TOX: variants seen among roughly 807,000 people sequenced by gnomAD.
TOX encodes the protein thymocyte selection-associated high mobility group box protein TOX.
A neutral mutation model predicts 53.7 loss-of-function variants in TOX; 11 were observed. The observed-to-expected ratio is 0.20, with a 90% CI of 0.13 to 0.34. The LOEUF is 0.34. TOX is among the 10% of genes least tolerant of loss of function. The probability of loss-of-function intolerance (pLI) is 1.00; values close to 1 mark genes in which losing one functional copy is unlikely to be tolerated. For synonymous variants in TOX, 225 were observed against 245.3 expected, an observed-to-expected ratio of 0.92 and a Z score of 0.77; for missense variants, 570 against 664.6, an observed-to-expected ratio of 0.86 and a Z score of 1.56.
At chr8:58,865,692 G>T (rs34404259) in intron 3 of TOX, among the ~76,000 whole-genome samples, 53,403 of 151,948 alleles carry the variant, frequency 0.35, 9,529 homozygotes, top group African/African-American at 0.4. Flanking sequence ...AAGAAAATAT[G>T]AGTCAGCTAA....
chr8:58,823,869 G>A (rs1810321970), intron 6 of TOX, among the ~76,000 whole-genome samples: 1 of 152,156 alleles, frequency 6.6e-6, no homozygotes, highest in Non-Finnish European at 1.5e-5. Context: ...AGGATCTATT[G>A]GCCTAGAAAT....
chr8:59,047,219 T>G (rs1283786848), intron 1 of TOX, among the ~76,000 whole-genome samples: 29 of 123,240 alleles, frequency 2.4e-4, no homozygotes, highest in Non-Finnish European at 4.0e-4. Flanking sequence ...TTTTTTTTTT[T>G]TTTTTTTTTT....
At chr8:58,967,307 C>A (rs763521382) in intron 1 of TOX, among the ~76,000 whole-genome samples, 1 of 152,056 alleles carries the variant, frequency 6.6e-6, no homozygotes, top group Non-Finnish European at 1.5e-5. Flanking sequence ...ATATATGAAG[C>A]CATTTAATTT....
intron 1 of TOX, among the ~76,000 whole-genome samples, chr8:59,027,784 G>A (rs752174059): frequency 6.6e-6 from 1 of 151,964 alleles, no homozygotes; most frequent in Non-Finnish European, 1.5e-5. Context: ...AGGAGTTGCC[G>A]GTACACATAT....
Position 58,948,754 on chromosome 8 carries a change from C to T in TOX, c.169-9210G>A, listed in dbSNP as rs113151085. ...ACTTTTTCAATTCTCATATTGAGTT[C>T]GTACATTCTGAGATCCAGTTCTATA... On this transcript the variant is annotated intron_variant, in intron 2 of 8. Coordinates refer to ENST00000361421, the MANE Select transcript of TOX (RefSeq NM_014729.3). Among the ~76,000 whole-genome samples the T allele has an allele frequency of 6.8e-3, 1,035 of 151,950 alleles. 6 individuals are homozygous for T. The highest frequency in any genetic ancestry group is 0.024 in the African/African-American group (979 of 41,440).
At chr8:58,841,739 A>G (rs1240559535) in intron 4 of TOX, among the ~76,000 whole-genome samples, 1 of 152,258 alleles carries the variant, frequency 6.6e-6, no homozygotes, top group Non-Finnish European at 1.5e-5. Context: ...TGACGTACAC[A>G]TATATCAAAA....
At chr8:58,848,814 A>G (rs1810762122) in intron 4 of TOX, among the ~76,000 whole-genome samples, 1 of 152,280 alleles carries the variant, frequency 6.6e-6, no homozygotes, top group East Asian at 1.9e-4. Context: ...CTGTCAAAAC[A>G]GACTTATTTC....
At chr8:58,893,920 A>G (rs1231955744) in intron 3 of TOX, among the ~76,000 whole-genome samples, 1 of 152,246 alleles carries the variant, frequency 6.6e-6, no homozygotes, top group African/African-American at 2.4e-5. Flanking sequence ...TTCCCTCAGT[A>G]GTAGACAGGA....
chr8:58,913,146 C>G (rs1008388487), intron 3 of TOX, among the ~76,000 whole-genome samples: 1 of 152,154 alleles, frequency 6.6e-6, no homozygotes, highest in Non-Finnish European at 1.5e-5. Context: ...CTCCCCTTCA[C>G]CCATTTCATG....
chr8:58,978,094 C>T (rs1161912383), intron 1 of TOX, among the ~76,000 whole-genome samples: 1 of 152,120 alleles, frequency 6.6e-6, no homozygotes, highest in Non-Finnish European at 1.5e-5. Context: ...ATTTGCATCC[C>T]AATTGCAATT....
At chr8:58,920,999 A>T (rs1812064074) in intron 3 of TOX, among the ~76,000 whole-genome samples, 1 of 152,234 alleles carries the variant, frequency 6.6e-6, no homozygotes, top group African/African-American at 2.4e-5. Flanking sequence ...GGTGACAGAC[A>T]GGCTGATTGA....
In TOX at chr8:59,094,907, C is replaced by A. The variant is rs114733128; in HGVS notation, c.102+23979G>T. On this transcript the variant is annotated intron_variant, in intron 1 of 8. Transcript: ENST00000361421. ...ACACTCAAATAGCCTTTTGGTCTTA[C>A]TGATGTCACTACATTTGGTAGTGGC... 3.9e-3 allele frequency among the ~76,000 whole-genome samples: 587 copies of A among 152,310 alleles called. 3 individuals carry two copies. Among genetic ancestry groups the A allele is most frequent in the African/African-American group, 0.013 (553 of 41,576 alleles).
At chr8:59,064,886 T>C (rs1196471889) in intron 1 of TOX, among the ~76,000 whole-genome samples, 1 of 152,182 alleles carries the variant, frequency 6.6e-6, no homozygotes, top group East Asian at 1.9e-4. Context: ...AGAACCATTC[T>C]AATGTTAATT....
At chr8:59,040,186 G>A (rs929362176) in intron 1 of TOX, among the ~76,000 whole-genome samples, 5 of 151,804 alleles carry the variant, frequency 3.3e-5, no homozygotes, top group Admixed American at 6.6e-5. Context: ...AAAATTAGCC[G>A]GGCGTAGTGG....
intron 1 of TOX, among the ~76,000 whole-genome samples, chr8:58,998,499 ATATATATATAT>A (rs1563413269): frequency 1.1e-4 from 8 of 74,536 alleles, no homozygotes; most frequent in Admixed American, 1.8e-4. Context: ...AAAAGTATAT[ATATATATATAT>A]ATATATATAT....
chr8:58,961,110 A>C (rs988034731), intron 1 of TOX, among the ~76,000 whole-genome samples: 3 of 152,220 alleles, frequency 2.0e-5, no homozygotes, highest in African/African-American at 4.8e-5. Flanking sequence ...TAAGAACATA[A>C]AAAATATTGT....
chr8:59,001,774 G>A (rs1237808618), intron 1 of TOX, among the ~76,000 whole-genome samples: 4 of 151,880 alleles, frequency 2.6e-5, no homozygotes, highest in African/African-American at 9.7e-5. Flanking sequence ...TCAATCAGAT[G>A]ACAAAATGAT....
intron 1 of TOX, among the ~76,000 whole-genome samples, chr8:59,115,270 T>C (rs1242256785): frequency 6.6e-6 from 1 of 152,106 alleles, no homozygotes; most frequent in Non-Finnish European, 1.5e-5. Context: ...CTACTCCTTA[T>C]GTGGGCAGAT....
At position 58,806,549 on chromosome 8, in the gene TOX, G is replaced by T. The variant is rs1163249940; in HGVS notation, c.*1198C>A. The T allele has an allele frequency of 6.6e-6, 1 of 152,430 alleles. No homozygotes were observed. Among genetic ancestry groups the T allele is most frequent in the Non-Finnish European group, 1.5e-5 (1 of 68,028 alleles). 9.4% of individuals were successfully genotyped at this position (152,430 alleles called of 1,614,324 possible). A position where few individuals can be genotyped will look rare whatever the true frequency, so the allele number is the denominator to read the frequency against. On this transcript the variant is annotated 3_prime_UTR_variant, in exon 9 of 9. Coordinates refer to ENST00000361421, the MANE Select transcript of TOX (RefSeq NM_014729.3). ...CTTGTGTGACTTGGAGGGCAATTCT[G>T]TTATGTCGTATGAAGAAATAAAGTT...
Sources: allele counts gnomAD v4.1 joint callset (sites outside exome capture counted in the v4.1 genomes callset), GRCh38; gene constraint gnomAD v4.1.1; transcripts MANE v1.5; gene names NCBI Gene and HGNC (gene_info 2026-07-23, HGNC 2026-07-21).